FBXW7: variants seen among roughly 807,000 people sequenced by gnomAD.
FBXW7 encodes the protein F-box/WD repeat-containing protein 7.
FBXW7 carries 11 observed loss-of-function variants against 86.3 expected under a neutral mutation model. The ratio of observed to expected loss-of-function variants is 0.13; its 90% CI spans 0.08 to 0.21. The LOEUF is 0.21. Ranked by LOEUF, FBXW7 falls within the 10% of genes least tolerant of loss-of-function variation. The pLI is 1.00. For missense variants in FBXW7, 488 were observed against 847.4 expected (o/e 0.58, Z 5.27); for synonymous variants, 313 against 297.9 (o/e 1.05, Z -0.52).
intron 2 of FBXW7, among the ~76,000 whole-genome samples, chr4:152,429,112 C>T (rs1454373066): frequency 6.6e-6 from 1 of 152,092 alleles, no homozygotes; most frequent in Non-Finnish European, 1.5e-5. Context: ...ATCACTTGAA[C>T]CTGGGAGGCG....
intron 2 of FBXW7, among the ~76,000 whole-genome samples, chr4:152,420,643 A>AT (rs1738855623): frequency 6.6e-6 from 1 of 152,190 alleles, no homozygotes; most frequent in African/African-American, 2.4e-5. Context: ...TTTATCAAGC[A>AT]TGAAAAAATA....
intron 2 of FBXW7, among the ~76,000 whole-genome samples, chr4:152,481,522 G>A (rs1363397121): frequency 6.6e-6 from 1 of 152,186 alleles, no homozygotes; most frequent in Non-Finnish European, 1.5e-5. Flanking sequence ...TTTCATAAAG[G>A]TATAGCTGTC....
chr4:152,347,677 GGTAA>G (rs1383520952), intron 5 of FBXW7, among the ~76,000 whole-genome samples: 1 of 151,950 alleles, frequency 6.6e-6, no homozygotes, highest in African/African-American at 2.4e-5. Flanking sequence ...ATTCAAAACA[GGTAA>G]GTATTAAGAA....
At chr4:152,461,427 G>A (rs906235266) in intron 2 of FBXW7, among the ~76,000 whole-genome samples, 6 of 151,962 alleles carry the variant, frequency 3.9e-5, no homozygotes, top group African/African-American at 1.4e-4. Context: ...TTGCTGTACT[G>A]TAAATTTTAT....
chr4:152,495,162 G>A (rs977052653), intron 2 of FBXW7, among the ~76,000 whole-genome samples: 2 of 152,180 alleles, frequency 1.3e-5, no homozygotes, highest in African/African-American at 2.4e-5. Flanking sequence ...GCTGGGTGTG[G>A]TGACTCACGT....
chr4:152,526,080 C>T (rs79007752), intron 2 of FBXW7, among the ~76,000 whole-genome samples: 1,663 of 152,220 alleles, frequency 0.011, 20 homozygotes, highest in Middle Eastern at 0.027. Context: ...TGCTTGTTGG[C>T]CACATGTAAG....
At position 152,411,667 on chromosome 4, in the gene FBXW7, C is replaced by G. The variant is rs2126881354; in HGVS notation, c.137G>C (p.Arg46Thr). Residue 46 changes from arginine (R) to threonine (T), a missense_variant, in exon 4 of 14, where the codon AGA becomes ACA. By Grantham distance (71) the Arg-to-Thr change is moderately conservative (BLOSUM62 -1). Around this residue, in one of 4 missense-constraint regions of FBXW7, gnomAD observed 230 missense variants for 240.0 expected, o/e 0.96. Coordinates refer to ENST00000281708, the MANE Select transcript of FBXW7 (RefSeq NM_001349798.2). ...VVEEEQQQQL[R>T]QQEEEHTARN... ...TGCAGTGTGCTCCTCCTCTTGTTGT[C>G]TGAGTTGCTGTTGCTGTTCCTCCTC... The G allele has an allele frequency of 6.2e-7, 1 of 1,613,976 alleles. No individual in the cohort carries two copies. Among genetic ancestry groups the G allele is most frequent in the Non-Finnish European group, 8.5e-7 (1 of 1,179,910 alleles).
chr4:152,404,459 A>G (rs1737233012), intron 4 of FBXW7, among the ~76,000 whole-genome samples: 1 of 152,250 alleles, frequency 6.6e-6, no homozygotes, highest in South Asian at 2.1e-4. Flanking sequence ...GCATATGTAT[A>G]TATGTAGATA....
chr4:152,494,303 A>G (rs1390243760), intron 2 of FBXW7, among the ~76,000 whole-genome samples: 1 of 152,178 alleles, frequency 6.6e-6, no homozygotes, highest in Middle Eastern at 3.2e-3. Flanking sequence ...TTTTCACTGG[A>G]AAGTAACAGG....
intron 7 of FBXW7, 174 bp downstream of exon 7, chr4:152,337,628 T>A (rs1730266624): frequency 3.6e-6 from 2 of 560,856 alleles, no homozygotes; most frequent in South Asian, 6.6e-5. Context: ...AATCTGACAA[T>A]TACATTATTA....
At chr4:152,401,465 C>T (rs765539892) in intron 4 of FBXW7, among the ~76,000 whole-genome samples, 1 of 152,142 alleles carries the variant, frequency 6.6e-6, no homozygotes, top group Non-Finnish European at 1.5e-5. Context: ...ATAATTCCAA[C>T]TATATGACAT....
intron 2 of FBXW7, among the ~76,000 whole-genome samples, chr4:152,427,108 G>C (rs1390046611): frequency 1.2e-4 from 18 of 152,100 alleles, no homozygotes; most frequent in Admixed American, 1.2e-3. Context: ...GGTTATGCTT[G>C]GAAAATAAGC....
In FBXW7 at chr4:152,389,520, A is replaced by G. The variant is rs1179638605; in HGVS notation, c.501+21783T>C. Among the ~76,000 whole-genome samples, 3 of 152,108 alleles carry G rather than the reference A, an allele frequency of 2.0e-5. No individual in the cohort carries two copies. In the East Asian group the frequency reaches 5.8e-4, roughly 29 times the overall value. On this transcript the variant is annotated intron_variant, in intron 4 of 13. Transcript: ENST00000281708. The stretch of plus-strand genomic sequence containing the variant: ...AAACAACACAGAAACAGAAAGTCAA[A>G]TACCACGTTTCACTTACAAGTGAAA...
At chr4:152,439,867 A>C (rs79542591) in intron 2 of FBXW7, among the ~76,000 whole-genome samples, 5 of 121,904 alleles carry the variant, frequency 4.1e-5, no homozygotes, top group Non-Finnish European at 8.1e-5. Flanking sequence ...CTCCGTCACA[A>C]AAAAAAAAAA....
chr4:152,381,750 A>G (rs889121830), intron 4 of FBXW7, among the ~76,000 whole-genome samples: 1 of 152,158 alleles, frequency 6.6e-6, no homozygotes, highest in Non-Finnish European at 1.5e-5. Flanking sequence ...AGCAATTTAA[A>G]AAAATAATAC....
intron 2 of FBXW7, among the ~76,000 whole-genome samples, chr4:152,471,832 C>T (rs1283849465): frequency 6.6e-6 from 1 of 151,978 alleles, no homozygotes; most frequent in African/African-American, 2.4e-5. Context: ...CCCAAGAGTT[C>T]AAGGCCGCAA....
chr4:152,434,887 T>C (rs564837763), intron 2 of FBXW7, among the ~76,000 whole-genome samples: 1 of 151,768 alleles, frequency 6.6e-6, no homozygotes, highest in Non-Finnish European at 1.5e-5. Context: ...TACAGAACAG[T>C]GGTTTTCAGA....
chr4:152,382,768 TTGAG>T (rs1735205503), intron 4 of FBXW7, among the ~76,000 whole-genome samples: 2 of 152,182 alleles, frequency 1.3e-5, no homozygotes, highest in Admixed American at 1.3e-4. Context: ...ACATTGTATC[TTGAG>T]TATCTATTAA....
chr4:152,419,494 A>AACACACAC (rs57894523), intron 2 of FBXW7, among the ~76,000 whole-genome samples: 12,524 of 123,110 alleles, frequency 0.1, 772 homozygotes, highest in African/African-American at 0.14. Context: ...GGATAAGGTA[A>AACACACAC]ACACACACAC....
Sources: allele counts gnomAD v4.1 joint callset (sites outside exome capture counted in the v4.1 genomes callset), GRCh38; gene constraint gnomAD v4.1.1; regional missense constraint gnomAD v4.1.1; transcripts MANE v1.5; gene names NCBI Gene and HGNC (gene_info 2026-07-23, HGNC 2026-07-21).